MEMO1: variants seen among roughly 807,000 people sequenced by gnomAD.
The protein encoded by MEMO1 is mediator of cell motility 1, also known as protein MEMO1.
A neutral mutation model predicts 45.2 loss-of-function variants in MEMO1; 6 were observed. That is an observed-to-expected ratio of 0.13 (90% CI 0.07 to 0.26). The LOEUF (loss-of-function observed/expected upper bound fraction) is 0.26. Among genes scored for constraint, MEMO1 ranks in the 10% least tolerant of loss-of-function variants. MEMO1 has a pLI of 1.00. For synonymous variants in MEMO1, 78 were observed against 124.3 expected (o/e 0.63, Z 2.48); for missense variants, 184 against 370.5 (o/e 0.50, Z 4.13).
intron 2 of MEMO1, among the ~76,000 whole-genome samples, chr2:32,005,996 G>A (rs1173474571): frequency 6.6e-6 from 1 of 152,140 alleles, no homozygotes; most frequent in Non-Finnish European, 1.5e-5. Flanking sequence ...TTTCAACAGA[G>A]GGACCAGTTT....
intron 8 of MEMO1, among the ~76,000 whole-genome samples, chr2:31,880,840 G>A (rs1018378199): frequency 2.3e-4 from 35 of 151,976 alleles, no homozygotes; most frequent in African/African-American, 9.7e-5. Flanking sequence ...ACAACATGGC[G>A]AAACCCCATC....
chr2:31,905,963 C>CT (rs1381558310), intron 6 of MEMO1, among the ~76,000 whole-genome samples: 1 of 151,968 alleles, frequency 6.6e-6, no homozygotes, highest in Non-Finnish European at 1.5e-5. Flanking sequence ...GAGAGCTATT[C>CT]TTTTTTTCTT....
At chr2:31,917,451 C>A (rs11124272) in intron 6 of MEMO1, among the ~76,000 whole-genome samples, 42,657 of 151,984 alleles carry the variant, frequency 0.28, 6,282 homozygotes, top group East Asian at 0.55. Flanking sequence ...TAGCCCATCA[C>A]AGGAAGACCT....
At chr2:32,002,246 T>C (rs539663523) in intron 2 of MEMO1, among the ~76,000 whole-genome samples, 14 of 144,494 alleles carry the variant, frequency 9.7e-5, no homozygotes, top group East Asian at 6.0e-4. Flanking sequence ...TACATATACA[T>C]ATATACGTGT....
intron 3 of MEMO1, among the ~76,000 whole-genome samples, 200 bp downstream of exon 3, chr2:31,943,102 T>TA (rs763076315): frequency 2.0e-5 from 3 of 152,050 alleles, no homozygotes; most frequent in Non-Finnish European, 2.9e-5. Flanking sequence ...CCGTCTCTAC[T>TA]AAAAATACAA....
intron 3 of MEMO1, among the ~76,000 whole-genome samples, chr2:31,933,542 G>A (rs757621719): frequency 9.9e-5 from 15 of 151,360 alleles, no homozygotes; most frequent in Non-Finnish European, 2.1e-4. Context: ...TGCTTTAAAT[G>A]TACACATTGG....
intron 2 of MEMO1, chr2:31,963,170 A>G (rs184465798): frequency 0.01 from 15,916 of 1,540,192 alleles, 132 homozygotes; most frequent in Non-Finnish European, 0.012. Flanking sequence ...GTGAAACCGC[A>G]CCGTCAGCTC....
At chr2:32,001,845 T>C (rs996386698) in intron 2 of MEMO1, among the ~76,000 whole-genome samples, 2 of 152,000 alleles carry the variant, frequency 1.3e-5, no homozygotes, top group African/African-American at 2.4e-5. Context: ...CATAAGATTA[T>C]TGTAACAATT....
intron 4 of MEMO1, among the ~76,000 whole-genome samples, chr2:31,925,568 A>AC (rs1392612979): frequency 6.6e-6 from 1 of 151,508 alleles, no homozygotes; most frequent in Non-Finnish European, 1.5e-5. Context: ...CTTAAGGTCT[A>AC]CCACAATAGT....
chr2:31,973,025 A>AG (rs1669588893), intron 2 of MEMO1, among the ~76,000 whole-genome samples: 1 of 152,200 alleles, frequency 6.6e-6, no homozygotes, highest in Non-Finnish European at 1.5e-5. Context: ...TAAGAGACAG[A>AG]CTAGAATCCT....
chr2:31,896,001 G>A (rs1161749996), intron 6 of MEMO1, among the ~76,000 whole-genome samples: 3 of 151,680 alleles, frequency 2.0e-5, no homozygotes, highest in Middle Eastern at 3.5e-3. Flanking sequence ...CCGCCACCTC[G>A]CCCAGCTAAT....
At chr2:32,009,969 G>C (rs969734672) in intron 2 of MEMO1, among the ~76,000 whole-genome samples, 1 of 150,908 alleles carries the variant, frequency 6.6e-6, no homozygotes, top group Non-Finnish European at 1.5e-5. Flanking sequence ...GAGGCCGGCC[G>C]GCCCCGGGCT....
intron 4 of MEMO1, among the ~76,000 whole-genome samples, chr2:31,924,377 G>T (rs1462685628): frequency 6.6e-6 from 1 of 151,424 alleles, no homozygotes; most frequent in Non-Finnish European, 1.5e-5. Flanking sequence ...TCCTTTATTT[G>T]ACTGCAAGGT....
chr2:31,952,413 T>C (rs1666943224), intron 2 of MEMO1, among the ~76,000 whole-genome samples: 1 of 152,224 alleles, frequency 6.6e-6, no homozygotes, highest in Non-Finnish European at 1.5e-5. Context: ...CGTTCATATA[T>C]AGTCTCAAAA....
chr2:31,879,394 T>G (rs1368977238), intron 8 of MEMO1, among the ~76,000 whole-genome samples: 1 of 152,158 alleles, frequency 6.6e-6, no homozygotes. Context: ...TAACTCCCCC[T>G]TTGTTCCTAC....
At chr2:31,971,110 G>A (rs924285903) in intron 2 of MEMO1, among the ~76,000 whole-genome samples, 1 of 152,164 alleles carries the variant, frequency 6.6e-6, no homozygotes, top group Non-Finnish European at 1.5e-5. Context: ...ATTTTCAGAT[G>A]TTTTAATTTA....
intron 2 of MEMO1, among the ~76,000 whole-genome samples, chr2:31,961,959 G>A (rs891010504): frequency 3.9e-5 from 6 of 151,986 alleles, no homozygotes; most frequent in South Asian, 2.1e-4. Flanking sequence ...GCATGCTGAC[G>A]ACTCTAAGAC....
intron 2 of MEMO1, among the ~76,000 whole-genome samples, chr2:31,984,447 T>A (rs1379740575): frequency 6.6e-6 from 1 of 152,116 alleles, no homozygotes; most frequent in Non-Finnish European, 1.5e-5. Context: ...TTGTCACAGA[T>A]CAGAGAAGAC....
At chr2:31,878,458 A>C (rs1054121941) in intron 8 of MEMO1, among the ~76,000 whole-genome samples, 6 of 152,144 alleles carry the variant, frequency 3.9e-5, no homozygotes, top group African/African-American at 1.4e-4. Context: ...AGGTCTAAGA[A>C]GACCAGTTAG....
Sources: gnomAD v4.1 joint callset for allele counts (sites outside exome capture counted in the v4.1 genomes callset) on GRCh38, gnomAD v4.1.1 for gene constraint, MANE v1.5 for transcripts, NCBI Gene and HGNC (gene_info 2026-07-23, HGNC 2026-07-21) for gene names.